Variants in HS2ST1 observed in about 807,000 individuals in gnomAD.
HS2ST1 encodes the protein 2-O-sulfotransferase.
Under a neutral mutation model 42.9 loss-of-function variants are expected in HS2ST1, and 18 were observed. The observed-to-expected ratio is 0.42, with a 90% CI of 0.29 to 0.62. The LOEUF is 0.62. Among genes scored for constraint, HS2ST1 ranks in the 20% least tolerant of loss-of-function variants. HS2ST1 has a pLI of 0.21. For synonymous variants in HS2ST1, 146 were observed against 152.9 expected, an observed-to-expected ratio of 0.95 and a Z score of 0.33; for missense variants, 334 against 433.8, an observed-to-expected ratio of 0.77 and a Z score of 2.04.
chr1:87,051,769 G>A (rs1415375665), intron 1 of HS2ST1, among the ~76,000 whole-genome samples: 1 of 152,180 alleles, frequency 6.6e-6, no homozygotes, highest in African/African-American at 2.4e-5. Context: ...TAGTTTACAG[G>A]ATCCTGAATA....
intron 1 of HS2ST1, among the ~76,000 whole-genome samples, chr1:86,992,204 A>T (rs1488881666): frequency 8.8e-5 from 2 of 22,664 alleles, no homozygotes; most frequent in Admixed American, 6.0e-4. Flanking sequence ...AAATTCCCCC[A>T]CTCCTCCACC....
intron 1 of HS2ST1, among the ~76,000 whole-genome samples, chr1:87,066,504 C>G (rs995824407): frequency 6.6e-6 from 1 of 152,130 alleles, no homozygotes; most frequent in Admixed American, 6.6e-5. Flanking sequence ...ACTCCCCACC[C>G]CTGTGCCATC....
At chr1:87,035,847 G>A (rs1028424473) in intron 1 of HS2ST1, among the ~76,000 whole-genome samples, 1 of 150,476 alleles carries the variant, frequency 6.6e-6, no homozygotes, top group Non-Finnish European at 1.5e-5. Context: ...TATACTCTAA[G>A]TTCTGGGATA....
At chr1:87,035,751 A>T (rs1650357053) in intron 1 of HS2ST1, among the ~76,000 whole-genome samples, 1 of 151,978 alleles carries the variant, frequency 6.6e-6, no homozygotes, top group Non-Finnish European at 1.5e-5. Context: ...TGTTGTGTAA[A>T]TCTTTACCTC....
intron 1 of HS2ST1, among the ~76,000 whole-genome samples, chr1:86,917,191 G>A (rs999113681): frequency 2.0e-5 from 3 of 152,092 alleles, no homozygotes; most frequent in Non-Finnish European, 2.9e-5. Context: ...ACTTTTCATC[G>A]TAGATACTCG....
At chr1:87,081,406 A>G (rs1651684965) in intron 2 of HS2ST1, among the ~76,000 whole-genome samples, 1 of 152,208 alleles carries the variant, frequency 6.6e-6, no homozygotes, top group Non-Finnish European at 1.5e-5. Context: ...CAATAGCAAG[A>G]CACATGGAAA....
intron 1 of HS2ST1, among the ~76,000 whole-genome samples, chr1:87,030,164 A>G (rs4656137): frequency 0.74 from 111,895 of 152,058 alleles, 42,730 homozygotes; most frequent in East Asian, 0.97. Context: ...ATGCTGGTTG[A>G]CTGTTTTACC....
chr1:87,100,257 T>C (rs772981012), intron 5 of HS2ST1, among the ~76,000 whole-genome samples: 9 of 152,208 alleles, frequency 5.9e-5, no homozygotes, highest in Admixed American at 2.0e-4. Flanking sequence ...GCTTGCATTC[T>C]GAGCATCTGC....
intron 1 of HS2ST1, among the ~76,000 whole-genome samples, chr1:86,918,202 T>G (rs536007103): frequency 1.2e-4 from 19 of 152,254 alleles, no homozygotes; most frequent in Admixed American, 7.2e-4. Context: ...AATTCACTAA[T>G]TAGGAATTCC....
At chr1:87,011,795 T>G (rs1382134704) in intron 1 of HS2ST1, among the ~76,000 whole-genome samples, 4 of 152,254 alleles carry the variant, frequency 2.6e-5, no homozygotes, top group Non-Finnish European at 5.9e-5. Context: ...AAGTACTTTG[T>G]CAAAGTGACA....
intron 1 of HS2ST1, among the ~76,000 whole-genome samples, chr1:87,061,395 T>C (rs1651119558): frequency 6.6e-6 from 1 of 152,126 alleles, no homozygotes; most frequent in African/African-American, 2.4e-5. Flanking sequence ...TCGGGTGCTT[T>C]CCATTTCTCC....
At chr1:87,046,424 G>C in intron 1 of HS2ST1, 11 of 888,752 alleles carry the variant, frequency 1.2e-5, no homozygotes, top group Non-Finnish European at 2.1e-5. Context: ...GCCAAAGCCA[G>C]AGCTAGAACA....
intron 1 of HS2ST1, among the ~76,000 whole-genome samples, chr1:86,958,782 A>C (rs1570446182): frequency 6.6e-6 from 1 of 152,230 alleles, no homozygotes; most frequent in African/African-American, 2.4e-5. Flanking sequence ...CATACAAGAA[A>C]GGAAAACTAA....
chr1:86,928,362 A>G (rs946628481), intron 1 of HS2ST1, among the ~76,000 whole-genome samples: 8 of 152,146 alleles, frequency 5.3e-5, no homozygotes, highest in Middle Eastern at 6.8e-3. Context: ...AACTTGTTCA[A>G]ATTTTGTCCA....
chr1:86,943,729 G>GA (rs35154026), intron 1 of HS2ST1, among the ~76,000 whole-genome samples: 6 of 146,864 alleles, frequency 4.1e-5, no homozygotes, highest in Non-Finnish European at 4.5e-5. Flanking sequence ...AAAAAAAAAA[G>GA]AAAAAAAAAA....
chr1:87,079,969 G>C (rs1351769619), intron 2 of HS2ST1, among the ~76,000 whole-genome samples: 1 of 152,014 alleles, frequency 6.6e-6, no homozygotes, highest in African/African-American at 2.4e-5. Context: ...GACCACTTGA[G>C]CCCAGGAGTT....
chr1:86,993,629 C>T (rs942039222), intron 1 of HS2ST1, among the ~76,000 whole-genome samples: 2 of 152,012 alleles, frequency 1.3e-5, no homozygotes, highest in East Asian at 1.9e-4. Flanking sequence ...TATTTTCTTT[C>T]CATTTTTAGA....
chr1:87,091,174 C>T (rs1434458186), intron 3 of HS2ST1, among the ~76,000 whole-genome samples: 15 of 151,890 alleles, frequency 9.9e-5, no homozygotes, highest in Non-Finnish European at 1.9e-4. Flanking sequence ...AGTATTATAT[C>T]TGGCAATATT....
intron 1 of HS2ST1, chr1:86,993,215 A>T (rs1302000757): frequency 7.5e-6 from 11 of 1,473,784 alleles, no homozygotes; most frequent in Non-Finnish European, 1.0e-5. Context: ...TAAAAGGTAC[A>T]GTTTGTAATG....
Sources: allele counts gnomAD v4.1 joint callset (sites outside exome capture counted in the v4.1 genomes callset), GRCh38; gene constraint gnomAD v4.1.1; transcripts MANE v1.5; gene names NCBI Gene and HGNC (gene_info 2026-07-23, HGNC 2026-07-21).